NLRP2: variants seen among roughly 807,000 people sequenced by gnomAD.
NLRP2 encodes NACHT, LRR and PYD domains-containing protein 2.
A neutral mutation model predicts 97.2 loss-of-function variants in NLRP2; 107 were observed. That is an observed-to-expected ratio of 1.10 (90% CI 0.94 to 1.29). The LOEUF is 1.29. Ranked by LOEUF, NLRP2 falls within the 50% of genes most tolerant of loss-of-function variation. NLRP2 has a pLI of 0.00. For missense variants in NLRP2, 1,495 were observed against 1,330.3 expected (o/e 1.12, Z -1.93); for synonymous variants, 663 against 551.5 (o/e 1.20, Z -2.83).
At chr19:54,981,505 C>A in intron 4 of NLRP2, 112 bp from the exon 5 acceptor site, 1 of 500,610 alleles carries the variant, frequency 2.0e-6, no homozygotes, top group Non-Finnish European at 4.0e-6. Context: ...TTATCTGATC[C>A]CGTGCCCCCC....
At chr19:54,990,971 C>CA in intron 10 of NLRP2, 2 of 438,062 alleles carry the variant, frequency 4.6e-6, no homozygotes, top group Non-Finnish European at 8.4e-6. Flanking sequence ...AGGCTGGTCT[C>CA]AAACTCCTGA....
intron 12 of NLRP2, among the ~76,000 whole-genome samples, 165 bp from the exon 13 acceptor site, chr19:55,000,592 TAAA>T (rs34129339): frequency 3.3e-5 from 4 of 119,896 alleles, no homozygotes; most frequent in Admixed American, 8.1e-5. Flanking sequence ...GACTGTCTTT[TAAA>T]AAAAAAAAAA....
chr19:54,968,325 C>T (rs1005641645), intron 1 of NLRP2, among the ~76,000 whole-genome samples: 5 of 151,756 alleles, frequency 3.3e-5, no homozygotes, highest in South Asian at 2.1e-4. Context: ...GGATTGCAAG[C>T]GTCAGCCACC....
At chr19:54,968,292 C>T (rs1044164504) in intron 1 of NLRP2, among the ~76,000 whole-genome samples, 4 of 151,880 alleles carry the variant, frequency 2.6e-5, no homozygotes, top group Admixed American at 6.6e-5. Flanking sequence ...AGTGATCACC[C>T]ACCTGAGCTT....
At chr19:54,988,945 G>A (rs556174682) in intron 8 of NLRP2, among the ~76,000 whole-genome samples, 2 of 152,208 alleles carry the variant, frequency 1.3e-5, no homozygotes, top group East Asian at 2.0e-4. Context: ...CTAGGCTGGT[G>A]TATCGCTTGA....
intron 3 of NLRP2, among the ~76,000 whole-genome samples, chr19:54,977,487 TTGTGTGTGTG>T (rs61515967): frequency 1.6e-3 from 229 of 147,516 alleles, no homozygotes; most frequent in African/African-American, 4.5e-3. Flanking sequence ...CGTGAGTAGT[TTGTGTGTGTG>T]TGTGTGTGTG....
chr19:54,999,385 G>A (rs2073056381), intron 12 of NLRP2, among the ~76,000 whole-genome samples: 1 of 152,170 alleles, frequency 6.6e-6, no homozygotes, highest in Non-Finnish European at 1.5e-5. Flanking sequence ...GACTTCAGGT[G>A]ACCCGCCTGC....
chr19:54,999,758 CAA>C (rs1219150933), intron 12 of NLRP2, among the ~76,000 whole-genome samples: 1 of 151,938 alleles, frequency 6.6e-6, no homozygotes, highest in African/African-American at 2.4e-5. Flanking sequence ...ATTTTTTAGA[CAA>C]AAATCTCACT....
chr19:54,981,508 T>TTGGGGGGG, intron 4 of NLRP2, 109 bp from the exon 5 acceptor site: 1 of 438,150 alleles, frequency 2.3e-6, no homozygotes, highest in Non-Finnish European at 4.6e-6. Flanking sequence ...TCTGATCCCG[T>TTGGGGGGG]GCCCCCCCTC....
At chr19:54,981,531 T>TC in intron 4 of NLRP2, 86 bp from the exon 5 acceptor site, 1 of 178,878 alleles carries the variant, frequency 5.6e-6, no homozygotes, top group South Asian at 3.6e-5. Context: ...CCCCGCCCCA[T>TC]CAGCCTGCCT....
In NLRP2 at chr19:54,998,580, TTTACTC is replaced by T. The variant is rs1408373776; in HGVS notation, c.3050+1096_3050+1101del. Among the ~76,000 whole-genome samples, 7 of 141,132 alleles carry T rather than the reference TTTACTC, an allele frequency of 5.0e-5. No individual in the cohort carries two copies. In the East Asian group the frequency reaches 1.2e-3, roughly 24 times the overall value. 92.6% of individuals were successfully genotyped at this position (141,132 alleles called of 152,430 possible). On this transcript the variant is annotated intron_variant, in intron 12 of 12. Transcript: ENST00000448584. ...ATTTATTATTTATTTTGGAGACAGT[TTTACTC>T]TTTTTTTTGGGGTGCATCTTTTTTC...
chr19:55,000,824 C>G lies in NLRP2; in HGVS notation c.3115C>G (p.Pro1039Ala). Reference sequence around the variant, plus strand: ...GCTGGAAGAAATAGAAGAAAAAAACCCACAACTGATTATTGATACTGAGAA... The same window carrying G: ...GCTGGAAGAAATAGAAGAAAAAAACGCACAACTGATTATTGATACTGAGAA... The part of the protein sequence containing the change: ...KLLEEIEEKN[P>A]QLIIDTEKHH... Residue 1039 changes from proline (P) to alanine (A), a missense_variant, in exon 13 of 13, where the codon CCA (proline) becomes GCA (alanine). Transcript: ENST00000448584. 6.2e-7 allele frequency: 1 copy of G among 1,613,438 alleles called. No individual in the cohort carries two copies. Among genetic ancestry groups the G allele is most frequent in the Non-Finnish European group, 8.5e-7 (1 of 1,179,474 alleles).
chr19:54,999,042 A>ACCCCCCCCACCTCCCTCCCGGACG lies in NLRP2; in HGVS notation c.3050+1555_3050+1556insCCCCCCCCACCTCCCTCCCGGACG. 1.5e-5 allele frequency among the ~76,000 whole-genome samples: 2 copies of ACCCCCCCCACCTCCCTCCCGGACG among 136,208 alleles called. 1 individual carries two copies. The allele number at this position is 136,208 out of a possible 152,430, so 89.4% of individuals were successfully genotyped here. On this transcript the variant is annotated intron_variant, in intron 12 of 12. Coordinates refer to ENST00000448584, the MANE Select transcript of NLRP2 (RefSeq NM_017852.5). ...TGACCCCCCCACCTCCCTCCCGGAC[A>ACCCCCCCCACCTCCCTCCCGGACG]GGGCGGCTGGCCGGTTAGAGGGGCT...
rs200040324 is a variant in NLRP2, at chr19:54,994,335, A to G, written c.2775A>G (p.Ser925=). ...CDLTKLLQEK[S]SLLCLDLGLN... is the part of the protein sequence containing the mutation. The stretch of plus-strand genomic sequence containing the variant: ...TCACAAAGCTTCTCCAAGAAAAATC[A>G]AGCCTGTTGTGTTTGGATCTGGGGC... Residue 925 remains serine, a synonymous_variant, in exon 11 of 13, where the codon TCA becomes TCG. Transcript: ENST00000448584. The G allele has an allele frequency of 6.2e-7, 1 of 1,614,182 alleles. No homozygotes were observed. The highest frequency in any genetic ancestry group is 2.2e-5 in the East Asian group (1 of 44,880).
intron 4 of NLRP2, among the ~76,000 whole-genome samples, chr19:54,981,035 C>T (rs1231508491): frequency 1.3e-5 from 2 of 152,076 alleles, no homozygotes; most frequent in East Asian, 1.9e-4. Flanking sequence ...CGCTTGAACC[C>T]GGGAGGCGGA....
rs2070473190 is a variant in NLRP2 at position 54,966,873 on chromosome 19, ACT to A, written c.-18+409_-18+410del. 4.3e-5 allele frequency among the ~76,000 whole-genome samples: 3 copies of A among 69,110 alleles called. No individual in the cohort carries two copies. In the South Asian group the frequency reaches 1.4e-3, roughly 33 times the overall value. 45.3% of individuals were successfully genotyped at this position (69,110 alleles called of 152,430 possible). ...TTTTCTTCTCTTTTTTGAGGGTCTT[ACT>A]CTGTTTCCCAGGCTGGAGCGCTGTG... On this transcript the variant is annotated intron_variant, in intron 1 of 12. Transcript: ENST00000448584.
At chr19:54,999,042 A>ACCGCCCCAACCTCCCTCCCGGACG (rs1337867779) in intron 12 of NLRP2, among the ~76,000 whole-genome samples, 1 of 136,102 alleles carries the variant, frequency 7.3e-6, no homozygotes, top group Non-Finnish European at 1.6e-5. Context: ...CCTCCCGGAC[A>ACCGCCCCAACCTCCCTCCCGGACG]GGGCGGCTGG....
intron 12 of NLRP2, among the ~76,000 whole-genome samples, chr19:54,997,758 T>C (rs1602448024): frequency 7.3e-6 from 1 of 136,954 alleles, no homozygotes; most frequent in South Asian, 2.2e-4. Context: ...CCCGGCCACC[T>C]TTTTTTTTTT....
rs558518586 is a variant in NLRP2 at position 54,975,106 on chromosome 19, GTTTTTTTTTTTTTTTTTTTTTTTTTTT to G, written c.325+573_325+599del. Among the ~76,000 whole-genome samples the G allele has an allele frequency of 3.4e-4, 20 of 58,706 alleles. No homozygotes were observed. In the Admixed American group the frequency reaches 4.8e-3, roughly 14 times the overall value. 38.5% of individuals were successfully genotyped at this position (58,706 alleles called of 152,430 possible). On this transcript the variant is annotated intron_variant, in intron 3 of 12. Transcript: ENST00000448584. ...ATGAGCCACCACCACACCCGGTTTT[GTTTTTTTTTTTTTTTTTTTTTTTTTTT>G]TTTTTTTTTTGAAACAGGGCTTCAC... is the stretch of plus-strand genomic sequence containing the variant.
Sources: gnomAD v4.1 joint callset for allele counts (sites outside exome capture counted in the v4.1 genomes callset) on GRCh38, gnomAD v4.1.1 for gene constraint, MANE v1.5 for transcripts, NCBI Gene and HGNC (gene_info 2026-07-23, HGNC 2026-07-21) for gene names.